Variants in HOOK2 observed in about 807,000 individuals in gnomAD.
HOOK2 encodes protein Hook homolog 2.
A neutral mutation model predicts 111.9 loss-of-function variants in HOOK2; 108 were observed. The observed-to-expected ratio is 0.96, with a 90% CI of 0.83 to 1.13. The LOEUF (loss-of-function observed/expected upper bound fraction) is 1.13. HOOK2 is among the 50% of genes most tolerant of loss of function. The pLI, the probability that HOOK2 is intolerant of heterozygous loss-of-function variation, is 0.00. For synonymous variants in HOOK2, 405 were observed against 394.3 expected (o/e 1.03, Z -0.32); for missense variants, 978 against 951.3 (o/e 1.03, Z -0.37).
chr19:12,780,652 G>A (rs1429647344), upstream of HOOK2, among the ~76,000 whole-genome samples: 1 of 116,474 alleles, frequency 8.6e-6, no homozygotes, highest in Non-Finnish European at 1.7e-5. Flanking sequence ...ACCGCGCCCG[G>A]CCTTTTTTTT....
chr19:12,771,881 C>CAA (rs60718260), intron 7 of HOOK2: 913 of 114,658 alleles, frequency 8.0e-3, no homozygotes, highest in Middle Eastern at 0.022. Context: ...GACTCCATCT[C>CAA]AAAAAAAAAA....
In HOOK2 at chr19:12,767,832, C is replaced by T. The variant is rs753589521; in HGVS notation, c.1287G>A (p.Arg429=). Residue 429 remains arginine, a synonymous_variant, in exon 13 of 23, where the codon CGG becomes CGA. Transcript: ENST00000397668. ...EELRCAQLQP[R]GLTQADPSLD... ...TCATCTCACCGGCCTGGGTCAACCCCCGCGGCTGCAGCTGGGCGCAGCGCA... is the reference window on the plus strand; with the variant it reads ...TCATCTCACCGGCCTGGGTCAACCCTCGCGGCTGCAGCTGGGCGCAGCGCA... 6.2e-7 allele frequency: 1 copy of T among 1,603,464 alleles called. No individual in the cohort carries two copies. Among genetic ancestry groups the T allele is most frequent in the Non-Finnish European group, 8.5e-7 (1 of 1,179,890 alleles).
At chr19:12,775,973 G>T (rs1280127003), upstream of HOOK2, among the ~76,000 whole-genome samples, 1 of 143,096 alleles carries the variant, frequency 7.0e-6, no homozygotes, top group Non-Finnish European at 1.5e-5. Flanking sequence ...GCCCCCTGGG[G>T]TTCACGCCAT....
chr19:12,771,739 G>A (rs367908880), intron 7 of HOOK2: 5 of 484,398 alleles, frequency 1.0e-5, no homozygotes, highest in African/African-American at 3.9e-5. Flanking sequence ...AAAATTAGCC[G>A]GGTGTGGTGG....
At chr19:12,783,310 C>T (rs1457578599), upstream of HOOK2, among the ~76,000 whole-genome samples, 1 of 150,900 alleles carries the variant, frequency 6.6e-6, no homozygotes, top group East Asian at 1.9e-4. Context: ...AGAGGCGCCC[C>T]CCCCAACTCC....
chr19:12,763,642 C>T (rs371754888), intron 21 of HOOK2, 26 bp downstream of exon 21: 76 of 1,613,882 alleles, frequency 4.7e-5, no homozygotes, highest in Non-Finnish European at 6.3e-5. Flanking sequence ...ACGTTGGAGG[C>T]AGCGTAAAGG....
chr19:12,775,873 CT>C (rs775787302), upstream of HOOK2, among the ~76,000 whole-genome samples: 1,409 of 103,798 alleles, frequency 0.014, 13 homozygotes, highest in African/African-American at 0.057. Context: ...TAAGTAAATT[CT>C]TTTTTTTTTT....
chr19:12,765,435 C>T (rs1424183461), intron 18 of HOOK2: 1 of 594,896 alleles, frequency 1.7e-6, no homozygotes, highest in Non-Finnish European at 3.0e-6. Flanking sequence ...CAAATCTCTT[C>T]AATAGCAGAC....
chr19:12,776,600 A>T (rs190295403), upstream of HOOK2, among the ~76,000 whole-genome samples: 5 of 142,124 alleles, frequency 3.5e-5, no homozygotes, highest in Admixed American at 2.2e-4. Context: ...AATCGCTTGA[A>T]CCCTGGAGGC....
chr19:12,763,965 T>A (rs1968073749), intron 20 of HOOK2, among the ~76,000 whole-genome samples, 187 bp from the exon 21 acceptor site: 1 of 152,208 alleles, frequency 6.6e-6, no homozygotes, highest in South Asian at 2.1e-4. Context: ...GTGTTGAGGT[T>A]ACAAGCATGA....
rs1188607148 is a variant in HOOK2 at position 12,771,177 on chromosome 19, A to C, written c.743T>G (p.Leu248Trp). 1.2e-6 allele frequency: 2 copies of C among 1,613,530 alleles called. No homozygotes were observed. The highest frequency in any genetic ancestry group is 4.5e-5 in the East Asian group (2 of 44,868). Residue 248 changes from leucine to tryptophan, a missense_variant, in exon 9 of 23, where the codon TTG (leucine) becomes TGG (tryptophan). By Grantham distance (61) the Leu-to-Trp change is moderately conservative. Transcript: ENST00000397668. ...LLLLQSQLEQ[L>W]QEENFRLESG... ...ACCACACCTGAAGTTCTCCTCCTGC[A>C]ACTGCTCCAGCTGGGATTGCAGCAG...
intron 11 of HOOK2, 118 bp downstream of exon 11, chr19:12,769,763 G>T: frequency 1.2e-6 from 1 of 814,064 alleles, no homozygotes; most frequent in Non-Finnish European, 1.7e-6. Context: ...AAGAGGCCCG[G>T]AGAGCGTGGC....
intron 14 of HOOK2, 98 bp downstream of exon 14, chr19:12,767,297 C>T: frequency 9.6e-7 from 1 of 1,036,754 alleles, no homozygotes; most frequent in East Asian, 2.5e-5. Context: ...TGAGACCAAG[C>T]AACCGGGGCT....
At chr19:12,767,745 T>C (rs1400303884) in intron 13 of HOOK2, 71 bp downstream of exon 13, 4 of 1,415,522 alleles carry the variant, frequency 2.8e-6, no homozygotes, top group Non-Finnish European at 3.9e-6. Flanking sequence ...AGACATGCAC[T>C]GGGACACAAC....
At chr19:12,775,383 CT>C in intron 1 of HOOK2, 21 bp downstream of exon 1, 1 of 1,609,886 alleles carries the variant, frequency 6.2e-7, no homozygotes, top group Non-Finnish European at 8.5e-7. Flanking sequence ...TCACCTTCCC[CT>C]AGCCCCGCCC....
At chr19:12,768,615 T>C (rs1450109807) in intron 11 of HOOK2, among the ~76,000 whole-genome samples, 1 of 151,986 alleles carries the variant, frequency 6.6e-6, no homozygotes, top group Non-Finnish European at 1.5e-5. Flanking sequence ...TTCAATGGAT[T>C]TTCTTTTTTA....
In HOOK2 at chr19:12,772,764, C is replaced by T. The variant is rs1185071871; in HGVS notation, c.388+16G>A. On this transcript the variant is annotated intron_variant, in intron 5 of 22. Coordinates refer to ENST00000397668, the MANE Select transcript of HOOK2 (RefSeq NM_013312.3). ...TTCCTCAGGCCAGCCCTGGGGACCC[C>T]CTAAGCTCCCCATACCCTGCTTTTT... 2 of 1,613,670 alleles carry T rather than the reference C, an allele frequency of 1.2e-6. No homozygotes were observed. Among genetic ancestry groups the T allele is most frequent in the African/African-American group, 2.7e-5 (2 of 74,926 alleles).
chr19:12,769,869 C>T lies in HOOK2; in HGVS notation c.1104+12G>A, dbSNP rs781210238. ...GGGCGGGGCCCCGGCCCTAACCCCG[C>T]CCCCGCCGCACCTGCCGCCGCTGCG... is the stretch of plus-strand genomic sequence containing the variant. On this transcript the variant is annotated intron_variant, in intron 11 of 22. Transcript: ENST00000397668. 2.3e-5 allele frequency: 33 copies of T among 1,419,928 alleles called. 1 individual carries two copies. Among genetic ancestry groups the T allele is most frequent in the South Asian group, 1.9e-4 (13 of 67,086 alleles). The allele number at this position is 1,419,928 out of a possible 1,614,324, so 88.0% of individuals were successfully genotyped here.
intron 7 of HOOK2, 48 bp downstream of exon 7, chr19:12,772,142 G>C: frequency 3.5e-6 from 5 of 1,414,572 alleles, no homozygotes; most frequent in Non-Finnish European, 5.0e-6. Flanking sequence ...CCGGCCTTTG[G>C]ATTTGCTGAT....
Sources: gnomAD v4.1 joint callset for allele counts (sites outside exome capture counted in the v4.1 genomes callset) on GRCh38, gnomAD v4.1.1 for gene constraint, MANE v1.5 for transcripts, NCBI Gene and HGNC (gene_info 2026-07-23, HGNC 2026-07-21) for gene names.